The following CPQ variants were observed in gnomAD, a reference collection of about 807,000 sequenced individuals.
CPQ encodes carboxypeptidase Q.
CPQ carries 37 observed loss-of-function variants against 45.7 expected under a neutral mutation model. The ratio of observed to expected loss-of-function variants is 0.81; its 90% CI spans 0.62 to 1.07. The LOEUF (loss-of-function observed/expected upper bound fraction) is 1.07, where lower values mean the gene tolerates loss of function less well. Among genes scored for constraint, CPQ ranks in the 50% least tolerant of loss-of-function variants. The pLI is 0.00. For synonymous variants in CPQ, 186 were observed against 205.8 expected (o/e 0.90, Z 0.82); for missense variants, 537 against 572.9 (o/e 0.94, Z 0.64).
chr8:96,805,564 T>C (rs878893820), intron 2 of CPQ, among the ~76,000 whole-genome samples: 30 of 152,188 alleles, frequency 2.0e-4, no homozygotes, highest in Admixed American at 1.8e-3. Context: ...AGTTCTTTAT[T>C]ATTGGATATT....
At chr8:97,139,550 T>TTC (rs1367299241) in intron 7 of CPQ, among the ~76,000 whole-genome samples, 6 of 152,096 alleles carry the variant, frequency 3.9e-5, no homozygotes, top group African/African-American at 1.4e-4. Flanking sequence ...ACAGCCAACA[T>TTC]TCTCTAACAG....
chr8:97,096,063 T>C (rs1216480533), intron 7 of CPQ, among the ~76,000 whole-genome samples: 1 of 152,114 alleles, frequency 6.6e-6, no homozygotes. Context: ...GGGATGATGA[T>C]GATGATGATG....
rs368101284 is a variant in CPQ at position 97,128,439 on chromosome 8, C to T, written c.1256-14581C>T. ...GTGGCTCAAGCCTGTAATCCCAGCA[C>T]TTTGGGAGGCCAAGGCAGGTGGATC... On this transcript the variant is annotated intron_variant, in intron 7 of 7. Coordinates refer to ENST00000220763, the MANE Select transcript of CPQ (RefSeq NM_016134.4). Among the ~76,000 whole-genome samples, 15 of 152,332 alleles carry T rather than the reference C, an allele frequency of 9.8e-5. No homozygotes were observed. In the East Asian group the frequency reaches 2.9e-3, roughly 29 times the overall value.
intron 5 of CPQ, among the ~76,000 whole-genome samples, chr8:97,019,554 T>A (rs111820875): frequency 8.8e-4 from 134 of 152,212 alleles, no homozygotes; most frequent in Middle Eastern, 3.4e-3. Flanking sequence ...CAAATGGACA[T>A]GAAAGTGAGC....
chr8:96,669,538 A>G (rs1046019798), intron 1 of CPQ, among the ~76,000 whole-genome samples: 5 of 152,234 alleles, frequency 3.3e-5, no homozygotes, highest in South Asian at 2.1e-4. Flanking sequence ...CTGGGTTTCA[A>G]TTGAAAATTA....
At chr8:96,963,308 T>C (rs982898814) in intron 4 of CPQ, among the ~76,000 whole-genome samples, 5 of 152,358 alleles carry the variant, frequency 3.3e-5, no homozygotes, top group African/African-American at 1.2e-4. Context: ...CACATGGGAT[T>C]ACACCACTAC....
chr8:97,065,109 C>T (rs1471761320), intron 6 of CPQ, among the ~76,000 whole-genome samples: 1 of 152,010 alleles, frequency 6.6e-6, no homozygotes, highest in Non-Finnish European at 1.5e-5. Context: ...AGTGTTTGTC[C>T]AAGGATAGCT....
At chr8:97,065,164 G>A (rs75160122) in intron 6 of CPQ, among the ~76,000 whole-genome samples, 3,841 of 152,222 alleles carry the variant, frequency 0.025, 83 homozygotes, top group Non-Finnish European at 0.034. Context: ...TCTTGAAGAT[G>A]TGGTTGGCTC....
At chr8:97,136,747 A>AG (rs1222555615) in intron 7 of CPQ, among the ~76,000 whole-genome samples, 1 of 152,206 alleles carries the variant, frequency 6.6e-6, no homozygotes, top group Non-Finnish European at 1.5e-5. Flanking sequence ...GTTTGTTTCC[A>AG]GGGGAGAATA....
chr8:96,645,471 G>C (rs1243241562), intron 1 of CPQ, 69 bp downstream of exon 1: 1 of 152,636 alleles, frequency 6.6e-6, no homozygotes, highest in African/African-American at 2.4e-5. Flanking sequence ...TACCCGCGGG[G>C]GTCGGGCGGG....
rs368039593 is a variant in CPQ, at chr8:96,923,904, T to C, written c.850-42031T>C. Among the ~76,000 whole-genome samples, 13 of 152,178 alleles carry C rather than the reference T, an allele frequency of 8.5e-5. No individual in the cohort carries two copies. The East Asian group carries it at 1.5e-3, about 18-fold the overall frequency. On this transcript the variant is annotated intron_variant, in intron 4 of 7. Transcript: ENST00000220763. The stretch of plus-strand genomic sequence containing the variant: ...CCTGCTGGGAATTTTTTGAGAAACT[T>C]TGTAGAACGTGCCTCAGAATTGTGC...
At chr8:96,882,173 C>T (rs192037353) in intron 4 of CPQ, among the ~76,000 whole-genome samples, 2 of 152,310 alleles carry the variant, frequency 1.3e-5, no homozygotes, top group East Asian at 1.9e-4. Context: ...ACTCTTTTCC[C>T]TCTTCTAAAA....
chr8:97,086,429 A>G (rs543714647), intron 7 of CPQ, among the ~76,000 whole-genome samples: 1 of 152,328 alleles, frequency 6.6e-6, no homozygotes, highest in South Asian at 2.1e-4. Flanking sequence ...GGCTAAAACC[A>G]GCTGAGGGGG....
chr8:97,122,976 TAAAATTAAAA>T lies in CPQ; in HGVS notation c.1256-20043_1256-20034del, dbSNP rs1244132825. Among the ~76,000 whole-genome samples the T allele has an allele frequency of 3.7e-4, 20 of 54,424 alleles. 1 individual carries two copies. The highest frequency in any genetic ancestry group is 1.1e-3 in the African/African-American group (10 of 9,312). 35.7% of individuals were successfully genotyped at this position (54,424 alleles called of 152,430 possible). On this transcript the variant is annotated intron_variant, in intron 7 of 7. Coordinates refer to ENST00000220763, the MANE Select transcript of CPQ (RefSeq NM_016134.4). ...TAAAATAAAATAAAATAAAATAAAA[TAAAATTAAAA>T]TAAAATAAAATAAAATATAAAATAA...
intron 3 of CPQ, among the ~76,000 whole-genome samples, chr8:96,868,496 T>C (rs1327356509): frequency 1.3e-5 from 2 of 152,042 alleles, no homozygotes; most frequent in South Asian, 2.1e-4. Context: ...TCATATCATA[T>C]ACATACATAA....
At chr8:96,854,303 G>A (rs1430178143) in intron 3 of CPQ, among the ~76,000 whole-genome samples, 1 of 151,458 alleles carries the variant, frequency 6.6e-6, no homozygotes, top group Non-Finnish European at 1.5e-5. Context: ...AGGCCGAGGC[G>A]GGCGGATCAC....
chr8:97,131,815 A>G (rs1811963506), intron 7 of CPQ, among the ~76,000 whole-genome samples: 1 of 152,192 alleles, frequency 6.6e-6, no homozygotes, highest in South Asian at 2.1e-4. Context: ...TTGTAACTGG[A>G]AGGACCCTTA....
intron 4 of CPQ, among the ~76,000 whole-genome samples, chr8:96,932,001 T>C (rs72664529): frequency 0.011 from 1,741 of 152,326 alleles, 16 homozygotes; most frequent in Non-Finnish European, 0.019. Context: ...GATCCCTAAC[T>C]TGTTCCAATG....
chr8:96,739,980 T>A (rs1156908850), intron 1 of CPQ, among the ~76,000 whole-genome samples: 1 of 152,150 alleles, frequency 6.6e-6, no homozygotes, highest in Non-Finnish European at 1.5e-5. Flanking sequence ...TTAAAGTAGT[T>A]TTTTCCAATT....
Sources: allele counts gnomAD v4.1 joint callset (sites outside exome capture counted in the v4.1 genomes callset), GRCh38; gene constraint gnomAD v4.1.1; transcripts MANE v1.5; gene names NCBI Gene and HGNC (gene_info 2026-07-23, HGNC 2026-07-21).